CHCHD3: variants seen among roughly 807,000 people sequenced by gnomAD.
CHCHD3 encodes the protein coiled-coil-helix-coiled-coil-helix domain containing 3, also known as MICOS complex subunit MIC19.
CHCHD3 carries 20 observed loss-of-function variants against 38.2 expected under a neutral mutation model. That is an observed-to-expected ratio of 0.52 (90% CI 0.37 to 0.76). CHCHD3 has a LOEUF of 0.76. Ranked by LOEUF, CHCHD3 falls within the 30% of genes least tolerant of loss-of-function variation. The pLI, the probability that CHCHD3 is intolerant of heterozygous loss-of-function variation, is 0.00. For synonymous variants in CHCHD3, 82 were observed against 100.0 expected, an observed-to-expected ratio of 0.82 and a Z score of 1.07; for missense variants, 245 against 279.2, an observed-to-expected ratio of 0.88 and a Z score of 0.87.
intron 2 of CHCHD3, among the ~76,000 whole-genome samples, chr7:133,054,157 T>G (rs967357061): frequency 6.6e-6 from 1 of 152,232 alleles, no homozygotes; most frequent in Non-Finnish European, 1.5e-5. Flanking sequence ...CACCATTCCT[T>G]GTACTTCTGC....
chr7:132,797,650 C>A (rs528679546), intron 6 of CHCHD3, among the ~76,000 whole-genome samples: 3 of 152,204 alleles, frequency 2.0e-5, no homozygotes, highest in African/African-American at 7.2e-5. Context: ...ATTTTAAAGT[C>A]CCCTGGGTTA....
chr7:132,850,454 T>C (rs1003823850), intron 5 of CHCHD3, among the ~76,000 whole-genome samples: 1 of 107,248 alleles, frequency 9.3e-6, no homozygotes, highest in African/African-American at 3.3e-5. Context: ...TTTTTTGTTT[T>C]TTTTTTTTTT....
chr7:132,841,488 C>T (rs540352392), intron 5 of CHCHD3, among the ~76,000 whole-genome samples: 2 of 149,266 alleles, frequency 1.3e-5, no homozygotes, highest in South Asian at 2.1e-4. Context: ...AATGAGAGAA[C>T]GGATAACTAC....
At chr7:133,055,277 AATT>A (rs1200184833) in intron 2 of CHCHD3, among the ~76,000 whole-genome samples, 1 of 146,872 alleles carries the variant, frequency 6.8e-6, no homozygotes, top group African/African-American at 2.5e-5. Flanking sequence ...AATTAATTAT[AATT>A]ATATTATCTA....
chr7:132,932,959 G>A (rs1314248357), intron 4 of CHCHD3, among the ~76,000 whole-genome samples: 1 of 152,020 alleles, frequency 6.6e-6, no homozygotes, highest in African/African-American at 2.4e-5. Context: ...TCTGTTTTGT[G>A]TCATCTGAAA....
At chr7:133,069,019 A>G (rs890175370) in intron 2 of CHCHD3, among the ~76,000 whole-genome samples, 1 of 152,092 alleles carries the variant, frequency 6.6e-6, no homozygotes, top group Non-Finnish European at 1.5e-5. Flanking sequence ...TCAAAACCGT[A>G]TATTGGGACA....
intron 3 of CHCHD3, among the ~76,000 whole-genome samples, chr7:132,976,432 T>C (rs1424479162): frequency 1.3e-5 from 2 of 152,160 alleles, no homozygotes; most frequent in African/African-American, 2.4e-5. Context: ...AAACCCCTCA[T>C]TGTACATGAT....
At chr7:132,929,042 A>C (rs922502902) in intron 4 of CHCHD3, among the ~76,000 whole-genome samples, 3 of 152,148 alleles carry the variant, frequency 2.0e-5, no homozygotes, top group Non-Finnish European at 2.9e-5. Context: ...AAAACCACCC[A>C]AAAAAACTAC....
At chr7:133,038,141 T>G (rs1813731976) in intron 2 of CHCHD3, among the ~76,000 whole-genome samples, 1 of 152,172 alleles carries the variant, frequency 6.6e-6, no homozygotes, top group African/African-American at 2.4e-5. Flanking sequence ...TAGCACAGGC[T>G]CTAAGAAAAC....
At chr7:133,034,194 C>A (rs527379960) in intron 2 of CHCHD3, among the ~76,000 whole-genome samples, 63 of 152,010 alleles carry the variant, frequency 4.1e-4, no homozygotes, top group African/African-American at 1.5e-3. Context: ...GAATACTGAA[C>A]AAACAGTTCA....
intron 6 of CHCHD3, among the ~76,000 whole-genome samples, chr7:132,838,183 A>C (rs548418989): frequency 2.3e-4 from 35 of 152,296 alleles, no homozygotes; most frequent in African/African-American, 7.5e-4. Context: ...AGTTCATAAA[A>C]TACATGGATT....
intron 4 of CHCHD3, among the ~76,000 whole-genome samples, chr7:132,921,618 A>G (rs1038119339): frequency 6.9e-5 from 10 of 145,934 alleles, no homozygotes; most frequent in African/African-American, 1.5e-4. Context: ...AAACAGAAAT[A>G]TATGACACAC....
At chr7:133,031,504 T>A (rs1409450947) in intron 2 of CHCHD3, among the ~76,000 whole-genome samples, 1 of 152,164 alleles carries the variant, frequency 6.6e-6, no homozygotes, top group Non-Finnish European at 1.5e-5. Context: ...ACTTCATTTT[T>A]TTTTTGCATA....
intron 3 of CHCHD3, among the ~76,000 whole-genome samples, chr7:133,019,517 T>G (rs73439218): frequency 2.6e-4 from 40 of 152,290 alleles, no homozygotes; most frequent in African/African-American, 9.1e-4. Flanking sequence ...CTGATAAAAT[T>G]TATGACTAAT....
intron 2 of CHCHD3, among the ~76,000 whole-genome samples, chr7:133,058,055 G>A (rs1814393167): frequency 1.3e-5 from 2 of 152,028 alleles, no homozygotes; most frequent in Admixed American, 6.6e-5. Context: ...ATGTTATTAA[G>A]AAAAATTAAA....
chr7:132,992,401 C>T (rs774424533), intron 3 of CHCHD3, among the ~76,000 whole-genome samples: 2 of 152,146 alleles, frequency 1.3e-5, no homozygotes, highest in Admixed American at 1.3e-4. Context: ...CTTCCTCAGA[C>T]GTCTGAGCTA....
At chr7:132,891,065 A>G (rs1809348608) in intron 4 of CHCHD3, among the ~76,000 whole-genome samples, 1 of 152,248 alleles carries the variant, frequency 6.6e-6, no homozygotes. Flanking sequence ...TTGTAAGGTA[A>G]TATTGCATTT....
intron 2 of CHCHD3, among the ~76,000 whole-genome samples, chr7:133,033,110 C>A (rs1323689036): frequency 6.6e-6 from 1 of 152,228 alleles, no homozygotes; most frequent in Non-Finnish European, 1.5e-5. Flanking sequence ...CATAACTACC[C>A]TAGCAGACAT....
intron 5 of CHCHD3, among the ~76,000 whole-genome samples, chr7:132,866,241 CTG>C (rs1808622641): frequency 6.6e-6 from 1 of 152,176 alleles, no homozygotes. Context: ...CTCAAAAAGT[CTG>C]TGTTGTGTGG....
Sources: allele counts gnomAD v4.1 joint callset (sites outside exome capture counted in the v4.1 genomes callset), GRCh38; gene constraint gnomAD v4.1.1; transcripts MANE v1.5; gene names NCBI Gene and HGNC (gene_info 2026-07-23, HGNC 2026-07-21).